The following ZSWIM5 variants were observed in gnomAD, a reference collection of about 807,000 sequenced individuals.
The protein encoded by ZSWIM5 is zinc finger SWIM-type containing 5, also known as zinc finger SWIM domain-containing protein 5.
Under a neutral mutation model 119.6 loss-of-function variants are expected in ZSWIM5, and 55 were observed. The ratio of observed to expected loss-of-function variants is 0.46; its 90% CI spans 0.37 to 0.58. The LOEUF (loss-of-function observed/expected upper bound fraction) is 0.58, where lower values mean the gene tolerates loss of function less well. Among genes scored for constraint, ZSWIM5 ranks in the 20% least tolerant of loss-of-function variants. The pLI is 0.00. For synonymous variants in ZSWIM5, 537 were observed against 606.9 expected, an observed-to-expected ratio of 0.88 and a Z score of 1.69; for missense variants, 1,193 against 1,512.8, an observed-to-expected ratio of 0.79 and a Z score of 3.51.
At position 45,038,966 on chromosome 1, in the gene ZSWIM5, G is replaced by A. The variant is rs1645002412; in HGVS notation, c.1864C>T (p.Leu622=). ...LFLTLTEACR[L]NDDGYLEMSD... Reference sequence around the variant, plus strand: ...ATCTCCAGATAGCCATCATCATTCAGGCGGCAGGCCTCAGTCAAAGTGAGA... The same window carrying A: ...ATCTCCAGATAGCCATCATCATTCAAGCGGCAGGCCTCAGTCAAAGTGAGA... The change falls in exon 8 of 14, where the codon CTG becomes TTG. Residue 622 remains leucine (L), a synonymous_variant. Transcript: ENST00000359600. 8 of 1,613,998 alleles carry A rather than the reference G, an allele frequency of 5.0e-6. No individual in the cohort carries two copies. The highest frequency in any genetic ancestry group is 6.8e-6 in the Non-Finnish European group (8 of 1,180,010).
chr1:45,094,205 G>C (rs346686), intron 1 of ZSWIM5, among the ~76,000 whole-genome samples: 2 of 151,606 alleles, frequency 1.3e-5, no homozygotes, highest in African/African-American at 4.8e-5. Flanking sequence ...ACAGGCACGC[G>C]CCACCACGCC....
chr1:45,080,501 C>A (rs369386375), intron 2 of ZSWIM5, among the ~76,000 whole-genome samples: 2 of 152,120 alleles, frequency 1.3e-5, no homozygotes, highest in African/African-American at 2.4e-5. Context: ...GACTGCTGGG[C>A]GATTGGGGAG....
At chr1:45,086,687 T>A (rs1384057588) in intron 2 of ZSWIM5, among the ~76,000 whole-genome samples, 1 of 151,948 alleles carries the variant, frequency 6.6e-6, no homozygotes, top group Admixed American at 6.6e-5. Flanking sequence ...ATGTAAATGA[T>A]GAGTTAATGG....
At chr1:45,030,171 T>A (rs1644943445) in intron 11 of ZSWIM5, among the ~76,000 whole-genome samples, 1 of 152,130 alleles carries the variant, frequency 6.6e-6, no homozygotes. Flanking sequence ...CTCAAACTCC[T>A]GTCCTCTAGT....
rs60046565 is a variant in ZSWIM5, at chr1:45,102,175, T to C, written c.596-13938A>G. Among the ~76,000 whole-genome samples, 457 of 152,318 alleles carry C rather than the reference T, an allele frequency of 3.0e-3. 2 individuals are homozygous for C. The highest frequency in any genetic ancestry group is 9.9e-3 in the African/African-American group (411 of 41,574). On this transcript the variant is annotated intron_variant, in intron 1 of 13. Coordinates refer to ENST00000359600, the MANE Select transcript of ZSWIM5 (RefSeq NM_020883.2). ...CAATGGTTCTCCACTGATTACAAGA[T>C]AAAGTTCAAACTTCTTACAATATGA...
At chr1:45,171,840 T>G (rs1470588399) in intron 1 of ZSWIM5, among the ~76,000 whole-genome samples, 1 of 152,086 alleles carries the variant, frequency 6.6e-6, no homozygotes, top group East Asian at 1.9e-4. Context: ...TTATTTAAAT[T>G]TAACCAACTA....
At chr1:45,135,278 G>T (rs970363628) in intron 1 of ZSWIM5, among the ~76,000 whole-genome samples, 3 of 152,138 alleles carry the variant, frequency 2.0e-5, no homozygotes, top group Admixed American at 6.6e-5. Flanking sequence ...AGGTAGGGAG[G>T]AGAGGAAATT....
chr1:45,024,651 A>ATTAT (rs1025501825), intron 11 of ZSWIM5, among the ~76,000 whole-genome samples: 4 of 150,146 alleles, frequency 2.7e-5, no homozygotes, highest in East Asian at 3.9e-4. Context: ...AATTATTATT[A>ATTAT]TTATTTATTT....
intron 2 of ZSWIM5, among the ~76,000 whole-genome samples, chr1:45,076,236 T>C (rs767196322): frequency 6.6e-6 from 1 of 152,212 alleles, no homozygotes; most frequent in Non-Finnish European, 1.5e-5. Flanking sequence ...TGATTTCTTA[T>C]TGTTCATTAA....
At chr1:45,110,374 C>G (rs1426138522) in intron 1 of ZSWIM5, among the ~76,000 whole-genome samples, 1 of 152,130 alleles carries the variant, frequency 6.6e-6, no homozygotes, top group African/African-American at 2.4e-5. Context: ...CTAGAGGAAG[C>G]CTTCTCCCAT....
intron 11 of ZSWIM5, among the ~76,000 whole-genome samples, chr1:45,031,477 C>T (rs1344006774): frequency 6.6e-6 from 1 of 151,944 alleles, no homozygotes; most frequent in Non-Finnish European, 1.5e-5. Context: ...AGCCACCGCA[C>T]CTGTCTGCTC....
chr1:45,150,532 T>G (rs908874024), intron 1 of ZSWIM5, among the ~76,000 whole-genome samples: 1 of 152,198 alleles, frequency 6.6e-6, no homozygotes, highest in Non-Finnish European at 1.5e-5. Flanking sequence ...TTGCTTAGAA[T>G]GCATTTACTA....
chr1:45,143,393 A>G (rs576908920), intron 1 of ZSWIM5, among the ~76,000 whole-genome samples: 24 of 152,170 alleles, frequency 1.6e-4, no homozygotes, highest in Non-Finnish European at 2.6e-4. Flanking sequence ...TCTAAAGAAT[A>G]AAAAACATGA....
At chr1:45,145,450 G>A (rs1330490876) in intron 1 of ZSWIM5, among the ~76,000 whole-genome samples, 4 of 151,730 alleles carry the variant, frequency 2.6e-5, no homozygotes, top group African/African-American at 9.7e-5. Flanking sequence ...ACAATTTGTA[G>A]TACATTTATA....
At chr1:45,138,408 G>A (rs1645702614) in intron 1 of ZSWIM5, among the ~76,000 whole-genome samples, 2 of 151,032 alleles carry the variant, frequency 1.3e-5, no homozygotes, top group African/African-American at 4.9e-5. Flanking sequence ...CGGAGGCTGA[G>A]GCAGGAGAAT....
chr1:45,085,454 G>A (rs1421108846), intron 2 of ZSWIM5, among the ~76,000 whole-genome samples: 1 of 151,994 alleles, frequency 6.6e-6, no homozygotes, highest in African/African-American at 2.4e-5. Context: ...CATACGGCCA[G>A]GCTGAAAATT....
intron 1 of ZSWIM5, among the ~76,000 whole-genome samples, chr1:45,180,174 C>T (rs1278103652): frequency 3.9e-5 from 6 of 152,170 alleles, no homozygotes. Context: ...AGTTCCCTTT[C>T]CTGGTCAAGG....
At chr1:45,022,291 C>T (rs1314115926) in intron 11 of ZSWIM5, among the ~76,000 whole-genome samples, 5 of 151,678 alleles carry the variant, frequency 3.3e-5, no homozygotes, top group East Asian at 2.0e-4. Context: ...CCACCACGCC[C>T]GGCTAATTTT....
chr1:45,167,445 A>T (rs1645913110), intron 1 of ZSWIM5, among the ~76,000 whole-genome samples: 1 of 151,938 alleles, frequency 6.6e-6, no homozygotes, highest in Non-Finnish European at 1.5e-5. Flanking sequence ...ACCAAAAGCA[A>T]TGGCAACAAA....
Sources: gnomAD v4.1 joint callset for allele counts (sites outside exome capture counted in the v4.1 genomes callset) on GRCh38, gnomAD v4.1.1 for gene constraint, MANE v1.5 for transcripts, NCBI Gene and HGNC (gene_info 2026-07-23, HGNC 2026-07-21) for gene names.